LRRC4C: variants seen among roughly 807,000 people sequenced by gnomAD.
LRRC4C encodes leucine-rich repeat-containing protein 4C.
LRRC4C carries 5 observed loss-of-function variants against 33.6 expected under a neutral mutation model. The observed-to-expected ratio is 0.15, with a 90% CI of 0.08 to 0.31. The LOEUF (loss-of-function observed/expected upper bound fraction) is 0.31, where lower values mean the gene tolerates loss of function less well. Ranked by LOEUF, LRRC4C falls within the 10% of genes least tolerant of loss-of-function variation. LRRC4C has a pLI of 1.00. For synonymous variants in LRRC4C, 329 were observed against 302.0 expected (o/e 1.09, Z -0.93); for missense variants, 560 against 796.7 (o/e 0.70, Z 3.58).
chr11:40,602,137 G>A (rs1960069739), intron 3 of LRRC4C, among the ~76,000 whole-genome samples: 1 of 148,156 alleles, frequency 6.7e-6, no homozygotes, highest in Non-Finnish European at 1.5e-5. Flanking sequence ...AGAGATTGCA[G>A]TGAGCTGAGA....
chr11:41,059,570 A>G (rs1237446534), intron 1 of LRRC4C, among the ~76,000 whole-genome samples: 1 of 152,048 alleles, frequency 6.6e-6, no homozygotes, highest in East Asian at 1.9e-4. Flanking sequence ...TTTTGTTATT[A>G]TAAACTGTTT....
chr11:41,325,270 A>C (rs1056178633), intron 1 of LRRC4C, among the ~76,000 whole-genome samples: 4 of 152,190 alleles, frequency 2.6e-5, no homozygotes, highest in Admixed American at 6.5e-5. Context: ...TTGACAAAAT[A>C]AATACTTTAA....
At chr11:40,841,773 C>T (rs1310851082) in intron 2 of LRRC4C, among the ~76,000 whole-genome samples, 1 of 152,148 alleles carries the variant, frequency 6.6e-6, no homozygotes, top group Non-Finnish European at 1.5e-5. Context: ...TGAGAAAACG[C>T]ATTTTTCTTT....
chr11:41,179,510 C>T (rs1314190552), intron 1 of LRRC4C, among the ~76,000 whole-genome samples: 1 of 152,112 alleles, frequency 6.6e-6, no homozygotes, highest in African/African-American at 2.4e-5. Context: ...TCTAATTCAC[C>T]CCAACAACAG....
At chr11:40,965,669 A>T (rs1851305267) in intron 1 of LRRC4C, among the ~76,000 whole-genome samples, 1 of 152,162 alleles carries the variant, frequency 6.6e-6, no homozygotes, top group African/African-American at 2.4e-5. Flanking sequence ...GTCAAAGATC[A>T]GATAGGTGTA....
At chr11:40,351,659 T>G (rs1947393881) in intron 3 of LRRC4C, 1 of 152,050 alleles carries the variant, frequency 6.6e-6, no homozygotes, top group South Asian at 2.1e-4. Flanking sequence ...ACTACTAAAC[T>G]TGACTACTCT....
intron 2 of LRRC4C, among the ~76,000 whole-genome samples, chr11:40,749,319 T>C (rs1948574539): frequency 6.6e-6 from 1 of 151,952 alleles, no homozygotes; most frequent in African/African-American, 2.4e-5. Context: ...AAGAGGCATT[T>C]TGGAAATGAT....
intron 1 of LRRC4C, among the ~76,000 whole-genome samples, chr11:41,303,079 G>GTTCCTCTCCCTC (rs1950329954): frequency 9.6e-6 from 1 of 104,016 alleles, no homozygotes; most frequent in Admixed American, 9.3e-5. Flanking sequence ...TACTGCATTA[G>GTTCCTCTCCCTC]TCCCTCTCCC....
intron 1 of LRRC4C, among the ~76,000 whole-genome samples, chr11:41,269,768 C>T (rs138688241): frequency 6.6e-6 from 1 of 152,230 alleles, no homozygotes; most frequent in East Asian, 1.9e-4. Flanking sequence ...ATACAGGTTT[C>T]TAAATGTCTT....
intron 1 of LRRC4C, among the ~76,000 whole-genome samples, chr11:41,186,125 T>C (rs1402602162): frequency 6.6e-6 from 1 of 152,124 alleles, no homozygotes; most frequent in Non-Finnish European, 1.5e-5. Context: ...GGAAAAAGAA[T>C]GCTTAAAGTC....
At chr11:40,983,002 C>A (rs1052454190) in intron 1 of LRRC4C, among the ~76,000 whole-genome samples, 1 of 152,152 alleles carries the variant, frequency 6.6e-6, no homozygotes, top group Non-Finnish European at 1.5e-5. Context: ...AGGGCATAAT[C>A]TTGTTCTTTT....
At chr11:40,831,292 G>T (rs1453161765) in intron 2 of LRRC4C, among the ~76,000 whole-genome samples, 3 of 152,032 alleles carry the variant, frequency 2.0e-5, no homozygotes, top group Non-Finnish European at 4.4e-5. Flanking sequence ...ACAGCCTTCT[G>T]GTAGGAGAAA....
At chr11:40,628,288 T>G (rs568597813) in intron 3 of LRRC4C, among the ~76,000 whole-genome samples, 42 of 152,022 alleles carry the variant, frequency 2.8e-4, no homozygotes, top group African/African-American at 1.0e-3. Flanking sequence ...CCATCCTGGC[T>G]AACACGGTGA....
chr11:41,227,228 G>T (rs1456698386), intron 1 of LRRC4C, among the ~76,000 whole-genome samples: 2 of 151,826 alleles, frequency 1.3e-5, no homozygotes, highest in African/African-American at 4.8e-5. Flanking sequence ...CATCAGTATA[G>T]TTCAAATAGT....
intron 2 of LRRC4C, among the ~76,000 whole-genome samples, chr11:40,837,874 A>G (rs1016986965): frequency 5.9e-5 from 6 of 101,458 alleles, no homozygotes; most frequent in African/African-American, 2.2e-4. Flanking sequence ...AAAATAGCCA[A>G]TGATGCTTAA....
At chr11:41,444,968 T>C (rs1194812830) in intron 1 of LRRC4C, among the ~76,000 whole-genome samples, 1 of 151,706 alleles carries the variant, frequency 6.6e-6, no homozygotes, top group African/African-American at 2.4e-5. Flanking sequence ...CACGCCCGGC[T>C]AATTTTGTAT....
At chr11:40,827,597 C>T (rs1952219066) in intron 2 of LRRC4C, among the ~76,000 whole-genome samples, 1 of 151,802 alleles carries the variant, frequency 6.6e-6, no homozygotes, top group African/African-American at 2.4e-5. Context: ...CATGTGAATT[C>T]TACCTTATGG....
intron 1 of LRRC4C, among the ~76,000 whole-genome samples, chr11:41,170,463 T>A (rs11036269): frequency 0.037 from 5,657 of 152,210 alleles, 131 homozygotes; most frequent in East Asian, 0.07. Flanking sequence ...TATCTACAAC[T>A]ATTTGATCTT....
chr11:41,361,908 T>G (rs1164678435), intron 1 of LRRC4C, among the ~76,000 whole-genome samples: 1 of 152,190 alleles, frequency 6.6e-6, no homozygotes, highest in Non-Finnish European at 1.5e-5. Context: ...AAAAAAATCA[T>G]GTGTAAAATA....
Sources: gnomAD v4.1 joint callset for allele counts (sites outside exome capture counted in the v4.1 genomes callset) on GRCh38, gnomAD v4.1.1 for gene constraint, MANE v1.5 for transcripts, NCBI Gene and HGNC (gene_info 2026-07-23, HGNC 2026-07-21) for gene names.